Variants in BRD7 observed in about 807,000 individuals in gnomAD.
BRD7 encodes the protein bromodomain containing 7.
In BRD7, 15 loss-of-function variants were observed where a neutral mutation model predicts 82.1. That is an observed-to-expected ratio of 0.18 (90% CI 0.12 to 0.28). The LOEUF is 0.28. BRD7 is among the 10% of genes least tolerant of loss of function. The probability of loss-of-function intolerance (pLI) is 1.00; values close to 1 mark genes in which losing one functional copy is unlikely to be tolerated. For missense variants in BRD7, 638 were observed against 779.9 expected, an observed-to-expected ratio of 0.82 and a Z score of 2.17; for synonymous variants, 232 against 266.9, an observed-to-expected ratio of 0.87 and a Z score of 1.27.
chr16:50,333,516 A>T lies in BRD7; in HGVS notation c.1011+58T>A, dbSNP rs563608448. The T allele has an allele frequency of 1.2e-5, 19 of 1,584,744 alleles. No homozygotes were observed. In the African/African-American group the frequency reaches 2.2e-4, roughly 18 times the overall value. ...AAATACGCAAGCAATTTAAAAACTA[A>T]AAGTTTCAGATGCCCCAAATCAGTA... On this transcript the variant is annotated intron_variant, in intron 8 of 16. Transcript: ENST00000394688.
At chr16:50,354,590 T>A in intron 3 of BRD7, 108 bp from the exon 4 acceptor site, 2 of 1,195,882 alleles carry the variant, frequency 1.7e-6, no homozygotes, top group Non-Finnish European at 2.4e-6. Context: ...ATACAGAAAT[T>A]CCATTTATCT....
rs1414559411 is a variant in BRD7 at position 50,316,812 on chromosome 16, G to C, written c.*2399C>G. 1 of 152,370 alleles carries C rather than the reference G, an allele frequency of 6.6e-6. No individual in the cohort carries two copies. The highest frequency in any genetic ancestry group is 1.5e-5 in the Non-Finnish European group (1 of 68,050). The allele number at this position is 152,370 out of a possible 1,614,324, so 9.4% of individuals were successfully genotyped here. A position where few individuals can be genotyped will look rare whatever the true frequency, so the allele number is the denominator to read the frequency against. On this transcript the variant is annotated 3_prime_UTR_variant, in exon 17 of 17. Transcript: ENST00000394688. The stretch of plus-strand genomic sequence containing the variant: ...TTCTGAATGGACTTCATAACCGGAA[G>C]ACTTAACCGGTGGCCTCATCACCAG...
chr16:50,351,118 A>G (rs2038504827), intron 4 of BRD7, among the ~76,000 whole-genome samples: 1 of 152,188 alleles, frequency 6.6e-6, no homozygotes, highest in Non-Finnish European at 1.5e-5. Flanking sequence ...AAAAAATAAC[A>G]ACTTCTTTAA....
At chr16:50,365,965 A>G (rs1368456284) in intron 2 of BRD7, among the ~76,000 whole-genome samples, 3 of 146,974 alleles carry the variant, frequency 2.0e-5, no homozygotes, top group African/African-American at 7.7e-5. Flanking sequence ...AAATGTCAGA[A>G]CACTGAAGAT....
chr16:50,325,008 CT>C (rs1015849544), intron 11 of BRD7, among the ~76,000 whole-genome samples: 1 of 152,230 alleles, frequency 6.6e-6, no homozygotes, highest in African/African-American at 2.4e-5. Flanking sequence ...CAGATTCCCT[CT>C]TTGTGAGAAA....
At chr16:50,319,621 C>T (rs1304146057) in intron 16 of BRD7, among the ~76,000 whole-genome samples, 3 of 151,816 alleles carry the variant, frequency 2.0e-5, no homozygotes, top group Non-Finnish European at 2.9e-5. Flanking sequence ...AAAAATACAA[C>T]AAACAATGAA....
At chr16:50,359,229 C>T (rs971574886) in intron 2 of BRD7, among the ~76,000 whole-genome samples, 1 of 152,148 alleles carries the variant, frequency 6.6e-6, no homozygotes, top group Non-Finnish European at 1.5e-5. Context: ...GTTTATAAAG[C>T]GGGTTTAAAT....
intron 11 of BRD7, among the ~76,000 whole-genome samples, chr16:50,325,424 CACA>C (rs781774869): frequency 6.6e-5 from 10 of 152,196 alleles, no homozygotes; most frequent in African/African-American, 2.2e-4. Context: ...CTCACTGACA[CACA>C]ACATGTTATA....
chr16:50,363,641 T>TTGTGTGTGTGTGTGTGTGTG (rs374792308), intron 2 of BRD7, among the ~76,000 whole-genome samples: 116 of 149,170 alleles, frequency 7.8e-4, no homozygotes, highest in African/African-American at 2.9e-3. Context: ...CGTTGTGTGT[T>TTGTGTGTGTGTGTGTGTGTG]TGTGTGTGTG....
chr16:50,327,848 C>CCT (rs533492330), intron 9 of BRD7, among the ~76,000 whole-genome samples: 1 of 152,174 alleles, frequency 6.6e-6, no homozygotes, highest in Non-Finnish European at 1.5e-5. Flanking sequence ...AAAAGGGACT[C>CCT]CTCTCTCTCT....
intron 2 of BRD7, among the ~76,000 whole-genome samples, chr16:50,367,454 C>T (rs2039192241): frequency 6.6e-6 from 1 of 152,152 alleles, no homozygotes; most frequent in Admixed American, 6.5e-5. Flanking sequence ...GAACTTCCAG[C>T]CTCAAGCAAT....
intron 4 of BRD7, among the ~76,000 whole-genome samples, chr16:50,350,612 T>C (rs540115106): frequency 4.2e-4 from 64 of 152,330 alleles, no homozygotes; most frequent in Non-Finnish European, 5.4e-4. Context: ...TCCATGCATG[T>C]CTATTTTCTC....
At chr16:50,336,444 T>C (rs561032959) in intron 6 of BRD7, among the ~76,000 whole-genome samples, 1 of 152,274 alleles carries the variant, frequency 6.6e-6, no homozygotes, top group South Asian at 2.1e-4. Context: ...ACAAAATCAA[T>C]AGTATCACTT....
chr16:50,363,652 T>C (rs2039016158), intron 2 of BRD7, among the ~76,000 whole-genome samples: 1 of 92,588 alleles, frequency 1.1e-5, no homozygotes, highest in Non-Finnish European at 2.5e-5. Flanking sequence ...TGTGTGTGTG[T>C]GTGTGTGTGC....
chr16:50,357,667 G>A (rs1456210675), intron 2 of BRD7, among the ~76,000 whole-genome samples: 1 of 152,118 alleles, frequency 6.6e-6, no homozygotes, highest in Non-Finnish European at 1.5e-5. Context: ...TAGAACTGGG[G>A]CCAGCAAACT....
Position 50,342,455 on chromosome 16 carries a change from C to CTTTTTT in BRD7, c.592-2375_592-2370dup, listed in dbSNP as rs34093559. Among the ~76,000 whole-genome samples the CTTTTTT allele has an allele frequency of 1.6e-3, 166 of 102,886 alleles. 3 individuals carry two copies. The highest frequency in any genetic ancestry group is 3.0e-3 in the East Asian group (9 of 3,048). 67.5% of individuals were successfully genotyped at this position (102,886 alleles called of 152,430 possible). A position where few individuals can be genotyped will look rare whatever the true frequency, so the allele number is the denominator to read the frequency against. On this transcript the variant is annotated intron_variant, in intron 5 of 16. Transcript: ENST00000394688. ...AAAAGGGACTAAGTAAAGACACTGT[C>CTTTTTT]TTTTTTTTTTTTTTTTTTTTTGAGA...
chr16:50,353,877 C>T (rs1157591340), intron 4 of BRD7, among the ~76,000 whole-genome samples: 3 of 151,862 alleles, frequency 2.0e-5, no homozygotes, highest in South Asian at 2.1e-4. Context: ...GGACTACAGG[C>T]GTGAGCCACC....
intron 5 of BRD7, chr16:50,349,414 G>A (rs566498415): frequency 2.8e-4 from 101 of 366,406 alleles, no homozygotes; most frequent in African/African-American, 2.0e-3. Context: ...TTAAAAAAAT[G>A]TAAACCATCT....
chr16:50,321,313 G>C (rs1240346328), intron 13 of BRD7, among the ~76,000 whole-genome samples: 1 of 152,062 alleles, frequency 6.6e-6, no homozygotes, highest in Non-Finnish European at 1.5e-5. Context: ...GTAATCCCAG[G>C]ACTTCGGGAG....
Sources: gnomAD v4.1 joint callset for allele counts (sites outside exome capture counted in the v4.1 genomes callset) on GRCh38, gnomAD v4.1.1 for gene constraint, MANE v1.5 for transcripts, NCBI Gene and HGNC (gene_info 2026-07-23, HGNC 2026-07-21) for gene names.